TRRAP: variants seen among roughly 807,000 people sequenced by gnomAD.
The protein encoded by TRRAP is transformation/transcription domain-associated protein.
A neutral mutation model predicts 438.8 loss-of-function variants in TRRAP; 41 were observed. The observed-to-expected ratio is 0.09, with a 90% CI of 0.07 to 0.12. TRRAP has a LOEUF of 0.12. Among genes scored for constraint, TRRAP ranks in the 10% least tolerant of loss-of-function variants. The probability of loss-of-function intolerance (pLI) is 1.00; values close to 1 mark genes in which losing one functional copy is unlikely to be tolerated. For synonymous variants in TRRAP, 1,994 were observed against 1,962.9 expected, an observed-to-expected ratio of 1.02 and a Z score of -0.42; for missense variants, 3,122 against 5,055.1, an observed-to-expected ratio of 0.62 and a Z score of 11.60.
chr7:98,985,623 T>C (rs219804), intron 62 of TRRAP, among the ~76,000 whole-genome samples: 22,751 of 152,226 alleles, frequency 0.15, 5,354 homozygotes, highest in African/African-American at 0.5. Flanking sequence ...GGAGATTTTG[T>C]AAATATCATG....
At chr7:98,985,111 T>C (rs1793094974) in intron 62 of TRRAP, 67 bp downstream of exon 62, 10 of 1,176,522 alleles carry the variant, frequency 8.5e-6, no homozygotes, top group Non-Finnish European at 1.2e-5. Flanking sequence ...ATTTATAACC[T>C]GAAGCCAATG....
Position 98,930,014 on chromosome 7 carries a change from G to C in TRRAP, c.3201G>C (p.Gln1067His). ...QCGPFLLPCY[Q>H]VGSQPSTAMF... ...GCCCTTTCTTGCTGCCTTGCTACCA[G>C]GTGGGCAGCCAGCCCAGCACAGCCA... is the stretch of plus-strand genomic sequence containing the variant. Residue 1067 changes from glutamine (Q) to histidine (H), a missense_variant, in exon 24 of 73, where the codon CAG becomes CAC. Transcript: ENST00000456197. 1 of 1,614,174 alleles carries C rather than the reference G, an allele frequency of 6.2e-7. No homozygotes were observed. Among genetic ancestry groups the C allele is most frequent in the Non-Finnish European group, 8.5e-7 (1 of 1,180,038 alleles).
chr7:98,945,449 A>G (rs1276824869), intron 31 of TRRAP, among the ~76,000 whole-genome samples: 9 of 152,240 alleles, frequency 5.9e-5, no homozygotes, highest in African/African-American at 2.2e-4. Flanking sequence ...GTACTTGCAT[A>G]CAACAAGGTC....
rs1032865547 is a variant in TRRAP, at chr7:98,967,777, TCA to T, written c.7512+87_7512+88del. On this transcript the variant is annotated intron_variant, in intron 51 of 72. Coordinates refer to ENST00000456197, the MANE Select transcript of TRRAP (RefSeq NM_001375524.1). ...TTGGGGCTCCAAAGCCAGGAGGTGT[TCA>T]CACACACTGAGATGAATTGGAAATC... The T allele has an allele frequency of 3.2e-6, 4 of 1,252,872 alleles. No individual in the cohort carries two copies. In the African/African-American group the frequency reaches 5.9e-5, roughly 19 times the overall value. 77.6% of individuals were successfully genotyped at this position (1,252,872 alleles called of 1,614,324 possible). A position where few individuals can be genotyped will look rare whatever the true frequency, so the allele number is the denominator to read the frequency against.
intron 3 of TRRAP, among the ~76,000 whole-genome samples, chr7:98,886,775 T>C (rs1268211773): frequency 6.6e-6 from 1 of 152,176 alleles, no homozygotes; most frequent in Non-Finnish European, 1.5e-5. Context: ...AAATGGGCCA[T>C]CTTTCAAGAC....
Position 98,999,873 on chromosome 7 carries a change from A to G in TRRAP, c.10310-4317A>G, listed in dbSNP as rs544715836. ...CTTTTCCGAATTCATCTCCATCTTA[A>G]ATACTCGCCAGGGCCAGCAGCTCAC... On this transcript the variant is annotated intron_variant, in intron 67 of 72. Transcript: ENST00000456197. The G allele has an allele frequency of 2.2e-5, 9 of 415,964 alleles. No homozygotes were observed. The East Asian group carries it at 4.0e-4, about 19-fold the overall frequency. The allele number at this position is 415,964 out of a possible 1,614,324, so 25.8% of individuals were successfully genotyped here. A position where few individuals can be genotyped will look rare whatever the true frequency, so the allele number is the denominator to read the frequency against.
In TRRAP at chr7:98,967,225, A is replaced by G. The variant is rs964642618; in HGVS notation, c.7298+63A>G. ...TCCTTAATGTGCTCCCCGGCCAGCC[A>G]GCCATGCAGCCATGATTTTAATCTT... On this transcript the variant is annotated intron_variant, in intron 50 of 72. Coordinates refer to ENST00000456197, the MANE Select transcript of TRRAP (RefSeq NM_001375524.1). The G allele has an allele frequency of 2.6e-6, 4 of 1,545,200 alleles. No individual in the cohort carries two copies. The African/African-American group carries it at 5.5e-5, about 21-fold the overall frequency.
intron 67 of TRRAP, among the ~76,000 whole-genome samples, chr7:98,995,812 CGTCCCATCTACTTACTCTT>C (rs1793627312): frequency 6.6e-6 from 1 of 151,582 alleles, no homozygotes; most frequent in Admixed American, 6.6e-5. Context: ...TACACACCCG[CGTCCCATCTACTTACTCTT>C]GTCCCATCAT....
At chr7:98,964,546 T>C in intron 47 of TRRAP, 83 bp from the exon 48 acceptor site, 1 of 1,502,838 alleles carries the variant, frequency 6.7e-7, no homozygotes, top group Non-Finnish European at 9.0e-7. Flanking sequence ...CAGAATACAT[T>C]GTTTTGAATA....
intron 67 of TRRAP, among the ~76,000 whole-genome samples, chr7:99,003,923 A>G (rs1217983971): frequency 6.6e-6 from 1 of 151,978 alleles, no homozygotes; most frequent in Non-Finnish European, 1.5e-5. Context: ...AGAAAAAGAA[A>G]TTGGCCAAGC....
intron 8 of TRRAP, 150 bp from the exon 9 acceptor site, chr7:98,899,272 C>T (rs1796364586): frequency 3.0e-6 from 2 of 664,212 alleles, no homozygotes; most frequent in Admixed American, 5.4e-5. Flanking sequence ...GATCTTTCAT[C>T]AGTTTGGATC....
chr7:98,910,048 C>T lies in TRRAP; in HGVS notation c.1351-8C>T. On this transcript the variant is annotated splice_region_variant and splice_polypyrimidine_tract_variant and intron_variant, in intron 14 of 72. Transcript: ENST00000456197. ...CTGTCTTCCCTCTTGAATTTCTCTTCCCGTTAGGTTTTCGTTCTCAAATTC... is the reference window on the plus strand; with the variant it reads ...CTGTCTTCCCTCTTGAATTTCTCTTTCCGTTAGGTTTTCGTTCTCAAATTC... 2 of 1,538,472 alleles carry T rather than the reference C, an allele frequency of 1.3e-6. No individual in the cohort carries two copies. The highest frequency in any genetic ancestry group is 1.8e-6 in the Non-Finnish European group (2 of 1,141,298).
At chr7:98,972,083 C>T in intron 53 of TRRAP, 138 bp downstream of exon 53, 2 of 1,246,284 alleles carry the variant, frequency 1.6e-6, no homozygotes, top group Non-Finnish European at 2.1e-6. Flanking sequence ...TGCTTTGTCA[C>T]CCAGCCTGCA....
chr7:98,937,211 A>G lies in TRRAP; in HGVS notation c.4167A>G (p.Ala1389=), dbSNP rs1554414442. 6.2e-7 allele frequency: 1 copy of G among 1,613,682 alleles called. No homozygotes were observed. The highest frequency in any genetic ancestry group is 8.5e-7 in the Non-Finnish European group (1 of 1,179,708). ...LPQSREKIIA[A]LFKALNSTNS... The stretch of plus-strand genomic sequence containing the variant: ...AGTCCAGGGAGAAAATCATCGCTGC[A>G]CTCTTCAAAGCCCTGAATTCCACCA... The change falls in exon 29 of 73, where the codon GCA becomes GCG. Residue 1389 remains alanine (A), a synonymous_variant. Coordinates refer to ENST00000456197, the MANE Select transcript of TRRAP (RefSeq NM_001375524.1).
Position 98,988,889 on chromosome 7 carries a change from G to T in TRRAP, c.9514G>T (p.Gly3172Cys). Reference sequence around the variant, plus strand: ...TGTGAAGGAGCGGCAGCTGCACCTGGGCGTGTCTGCCATCACCTGCTACCT... The same window carrying T: ...TGTGAAGGAGCGGCAGCTGCACCTGTGCGTGTCTGCCATCACCTGCTACCT... The part of the protein sequence containing the change: ...IFVKERQLHL[G>C]VSAITCYLHA... Residue 3172 changes from glycine to cysteine, a missense_variant, in exon 63 of 73, where the codon GGC becomes TGC. Coordinates refer to ENST00000456197, the MANE Select transcript of TRRAP (RefSeq NM_001375524.1). 6.2e-7 allele frequency: 1 copy of T among 1,614,156 alleles called. No homozygotes were observed. The highest frequency in any genetic ancestry group is 1.1e-5 in the South Asian group (1 of 91,076).
chr7:98,967,130 C>T lies in TRRAP; in HGVS notation c.7266C>T (p.Ala2422=). The T allele has an allele frequency of 1.9e-6, 3 of 1,613,860 alleles. No individual in the cohort carries two copies. Among genetic ancestry groups the T allele is most frequent in the Non-Finnish European group, 2.5e-6 (3 of 1,179,920 alleles). The part of the protein sequence containing the change: ...KRFPEDLELN[A]QFLDLVNYVY... ...TTCCGGAAGACCTTGAATTAAATGC[C>T]CAGTTTTTAGATCTTGTTAACTATG... The change falls in exon 50 of 73, where the codon GCC becomes GCT. Residue 2422 remains alanine, a synonymous_variant. Coordinates refer to ENST00000456197, the MANE Select transcript of TRRAP (RefSeq NM_001375524.1).
chr7:98,927,521 A>T (rs1366723456), intron 23 of TRRAP, among the ~76,000 whole-genome samples, 155 bp downstream of exon 23: 1 of 152,210 alleles, frequency 6.6e-6, no homozygotes, highest in Non-Finnish European at 1.5e-5. Flanking sequence ...TACGACATTG[A>T]TAATTGGTAT....
rs1791883329 is a variant in TRRAP, at chr7:98,961,338, G to T, written c.6567G>T (p.Gln2189His). The stretch of plus-strand genomic sequence containing the variant: ...TGAGCTTCCTGCTAACTGTCCTCCA[G>T]TCCCCAGCCATCCTCAGTAGCTTCA... The part of the protein sequence containing the change: ...EVLSFLLTVL[Q>H]SPAILSSFKP... The change falls in exon 46 of 73, where the codon CAG (glutamine) becomes CAT (histidine). Residue 2189 changes from glutamine (Q) to histidine (H), a missense_variant. Around this residue, in one of 24 missense-constraint regions of TRRAP, gnomAD observed 992 missense variants for 1,281.2 expected, o/e 0.77. Coordinates refer to ENST00000456197, the MANE Select transcript of TRRAP (RefSeq NM_001375524.1). 4.3e-6 allele frequency: 7 copies of T among 1,614,188 alleles called. No homozygotes were observed. The Admixed American group carries it at 8.3e-5, about 19-fold the overall frequency.
At chr7:98,929,870 G>A (rs191548122) in intron 23 of TRRAP, 119 bp from the exon 24 acceptor site, 786 of 1,038,282 alleles carry the variant, frequency 7.6e-4, no homozygotes, top group African/African-American at 4.3e-3. Context: ...CTGGGATTAC[G>A]GGTGTGAGCC....
Sources: allele counts gnomAD v4.1 joint callset (sites outside exome capture counted in the v4.1 genomes callset), GRCh38; gene constraint gnomAD v4.1.1; regional missense constraint gnomAD v4.1.1; transcripts MANE v1.5; gene names NCBI Gene and HGNC (gene_info 2026-07-23, HGNC 2026-07-21).